TRERF1: variants seen among roughly 807,000 people sequenced by gnomAD.
The protein encoded by TRERF1 is transcriptional-regulating factor 1.
TRERF1 carries 27 observed loss-of-function variants against 122.9 expected under a neutral mutation model. That is an observed-to-expected ratio of 0.22 (90% CI 0.16 to 0.30). The LOEUF is 0.30. Ranked by LOEUF, TRERF1 falls within the 10% of genes least tolerant of loss-of-function variation. The pLI is 1.00. For synonymous variants in TRERF1, 636 were observed against 641.7 expected, an observed-to-expected ratio of 0.99 and a Z score of 0.13; for missense variants, 1,248 against 1,560.3, an observed-to-expected ratio of 0.80 and a Z score of 3.37.
At chr6:42,339,673 C>CA (rs1159203717) in intron 3 of TRERF1, among the ~76,000 whole-genome samples, 1 of 152,196 alleles carries the variant, frequency 6.6e-6, no homozygotes, top group African/African-American at 2.4e-5. Flanking sequence ...TAGCAGGTAT[C>CA]AAGCCTCAGC....
chr6:42,245,828 C>G (rs1383848765), intron 14 of TRERF1, among the ~76,000 whole-genome samples: 2 of 152,230 alleles, frequency 1.3e-5, no homozygotes, highest in African/African-American at 2.4e-5. Context: ...TTATGTACGG[C>G]CAGGCATGCC....
chr6:42,296,268 C>A (rs1475375527), intron 4 of TRERF1, among the ~76,000 whole-genome samples: 1 of 152,170 alleles, frequency 6.6e-6, no homozygotes, highest in Non-Finnish European at 1.5e-5. Context: ...TTTAAAAACA[C>A]CCCAGTTCAA....
intron 15 of TRERF1, among the ~76,000 whole-genome samples, chr6:42,241,770 A>AT (rs1220459695): frequency 2.6e-5 from 4 of 152,070 alleles, no homozygotes; most frequent in African/African-American, 9.7e-5. Flanking sequence ...CCAAGTCCAA[A>AT]TTTTTTATAC....
intron 15 of TRERF1, among the ~76,000 whole-genome samples, chr6:42,238,870 C>CACACACACACACACACACACAA (rs1554124320): frequency 8.1e-5 from 12 of 149,000 alleles, no homozygotes; most frequent in African/African-American, 3.0e-4. Flanking sequence ...CACACACACA[C>CACACACACACACACACACACAA]AATTTCTAGT....
chr6:42,273,532 A>T (rs1780617301), intron 4 of TRERF1, among the ~76,000 whole-genome samples: 1 of 152,222 alleles, frequency 6.6e-6, no homozygotes, highest in Non-Finnish European at 1.5e-5. Flanking sequence ...ATAGACAAAT[A>T]GGGCTTACAG....
intron 2 of TRERF1, among the ~76,000 whole-genome samples, chr6:42,369,717 T>C (rs1773423605): frequency 6.6e-6 from 1 of 152,296 alleles, no homozygotes; most frequent in South Asian, 2.1e-4. Context: ...CTTCCTGATG[T>C]GTCTCTTGTC....
chr6:42,435,822 AT>A (rs1329082049), intron 2 of TRERF1, among the ~76,000 whole-genome samples: 46 of 150,682 alleles, frequency 3.1e-4, no homozygotes, highest in African/African-American at 1.1e-3. Context: ...AAAAAAAAAA[AT>A]ACAAAAGTTA....
At chr6:42,361,514 C>T (rs1771764961) in intron 3 of TRERF1, among the ~76,000 whole-genome samples, 1 of 152,110 alleles carries the variant, frequency 6.6e-6, no homozygotes, top group Non-Finnish European at 1.5e-5. Flanking sequence ...GAAACACTTT[C>T]ATGAATTAAT....
At chr6:42,368,391 GC>G (rs577357461) in intron 2 of TRERF1, among the ~76,000 whole-genome samples, 2 of 151,608 alleles carry the variant, frequency 1.3e-5, no homozygotes, top group Non-Finnish European at 2.9e-5. Context: ...TGGTTTCCTC[GC>G]CCCCCCAAGT....
chr6:42,356,367 T>C (rs1387789418), intron 3 of TRERF1, among the ~76,000 whole-genome samples: 5 of 151,884 alleles, frequency 3.3e-5, no homozygotes, highest in Admixed American at 6.6e-5. Context: ...GTGAAGAGAG[T>C]GAAGCTCCCA....
At chr6:42,277,795 A>T (rs1227764396) in intron 4 of TRERF1, among the ~76,000 whole-genome samples, 1 of 151,908 alleles carries the variant, frequency 6.6e-6, no homozygotes, top group Non-Finnish European at 1.5e-5. Context: ...GTGAGTGGTG[A>T]TTATACCACT....
At chr6:42,334,091 ATGTG>A (rs1325464771) in intron 3 of TRERF1, among the ~76,000 whole-genome samples, 4 of 151,932 alleles carry the variant, frequency 2.6e-5, no homozygotes, top group East Asian at 1.9e-4. Context: ...GAATATATAT[ATGTG>A]TGTGTGTGTT....
intron 2 of TRERF1, among the ~76,000 whole-genome samples, chr6:42,378,206 A>G (rs1775248974): frequency 6.6e-6 from 1 of 152,144 alleles, no homozygotes; most frequent in Non-Finnish European, 1.5e-5. Context: ...GCCCAAGACC[A>G]TATCTTCCTA....
At chr6:42,407,663 G>A (rs1329176366) in intron 2 of TRERF1, among the ~76,000 whole-genome samples, 4 of 151,952 alleles carry the variant, frequency 2.6e-5, no homozygotes, top group East Asian at 1.9e-4. Flanking sequence ...TCCCAGTGCC[G>A]TCTCTCCACC....
intron 2 of TRERF1, among the ~76,000 whole-genome samples, chr6:42,363,928 T>A (rs922221440): frequency 6.6e-6 from 1 of 152,170 alleles, no homozygotes; most frequent in African/African-American, 2.4e-5. Context: ...ACCCAGTGTG[T>A]GGTACTTGGT....
intron 5 of TRERF1, among the ~76,000 whole-genome samples, chr6:42,267,017 T>C (rs1779324832): frequency 6.6e-6 from 1 of 152,152 alleles, no homozygotes; most frequent in East Asian, 1.9e-4. Context: ...TCTGCGAGAC[T>C]CACAATGCAT....
intron 3 of TRERF1, among the ~76,000 whole-genome samples, chr6:42,331,611 G>T (rs993381608): frequency 6.6e-6 from 1 of 152,222 alleles, no homozygotes; most frequent in African/African-American, 2.4e-5. Flanking sequence ...GGGCCACTGG[G>T]TGCTGCAGAT....
At chr6:42,291,139 A>G (rs1561923651) in intron 4 of TRERF1, among the ~76,000 whole-genome samples, 1 of 152,236 alleles carries the variant, frequency 6.6e-6, no homozygotes, top group Non-Finnish European at 1.5e-5. Context: ...GTTTGAAAGG[A>G]GGAAATTAAC....
chr6:42,264,670 A>C (rs748868871), intron 7 of TRERF1, 34 bp downstream of exon 7: 26 of 1,609,232 alleles, frequency 1.6e-5, no homozygotes, highest in Middle Eastern at 3.4e-4. Flanking sequence ...GCAGCACACG[A>C]CCTAGAAAGG....
Sources: allele counts gnomAD v4.1 joint callset (sites outside exome capture counted in the v4.1 genomes callset), GRCh38; gene constraint gnomAD v4.1.1; transcripts MANE v1.5; gene names NCBI Gene and HGNC (gene_info 2026-07-23, HGNC 2026-07-21).